MLLT3: variants seen among roughly 807,000 people sequenced by gnomAD.
MLLT3 encodes MLLT3 super elongation complex subunit, also known as protein AF-9.
MLLT3 carries 4 observed loss-of-function variants against 53.2 expected under a neutral mutation model. The ratio of observed to expected loss-of-function variants is 0.08; its 90% CI spans 0.04 to 0.17. The LOEUF (loss-of-function observed/expected upper bound fraction) is 0.17. MLLT3 is among the 10% of genes least tolerant of loss of function. The pLI is 1.00. For missense variants in MLLT3, 569 were observed against 684.0 expected, an observed-to-expected ratio of 0.83 and a Z score of 1.87; for synonymous variants, 283 against 230.6, an observed-to-expected ratio of 1.23 and a Z score of -2.06.
intron 5 of MLLT3, among the ~76,000 whole-genome samples, chr9:20,391,215 A>G (rs531122262): frequency 6.6e-6 from 1 of 152,234 alleles, no homozygotes; most frequent in Non-Finnish European, 1.5e-5. Flanking sequence ...AATTGACATC[A>G]ATCAATCATT....
At chr9:20,486,197 T>A (rs1824807790) in intron 2 of MLLT3, among the ~76,000 whole-genome samples, 1 of 152,112 alleles carries the variant, frequency 6.6e-6, no homozygotes, top group African/African-American at 2.4e-5. Context: ...CAAAAACATA[T>A]AACCAGAAAT....
chr9:20,620,492 C>T lies in MLLT3; in HGVS notation c.193+162G>A, dbSNP rs1820969781. ...CCGAAGTGGCGCGCGCGCGGGCAGG[C>T]GGGAGCCGGGACCTGGCCCGCGCGG... On this transcript the variant is annotated intron_variant, in intron 2 of 10. Coordinates refer to ENST00000380338, the MANE Select transcript of MLLT3 (RefSeq NM_004529.4). This position sits in a 1 kb window ranked among gnomAD's most constrained non-coding sequence, Gnocchi z 6.1. Among the ~76,000 whole-genome samples, 1 of 149,882 alleles carries T rather than the reference C, an allele frequency of 6.7e-6. No homozygotes were observed. Among genetic ancestry groups the T allele is most frequent in the Admixed American group, 6.6e-5 (1 of 15,038 alleles).
chr9:20,418,192 T>C (rs891816916), intron 4 of MLLT3: 2 of 152,210 alleles, frequency 1.3e-5, no homozygotes, highest in African/African-American at 4.8e-5. Flanking sequence ...CAAGAGGTTA[T>C]GCATATGTAG....
At chr9:20,415,306 T>G in intron 4 of MLLT3, 11 of 205,776 alleles carry the variant, frequency 5.3e-5, no homozygotes, top group Non-Finnish European at 8.5e-5. Flanking sequence ...ATTTTGATCA[T>G]GAGAAAAGAC....
chr9:20,350,561 C>T (rs999927711), intron 10 of MLLT3, among the ~76,000 whole-genome samples: 5 of 138,532 alleles, frequency 3.6e-5, no homozygotes, highest in African/African-American at 3.1e-5. Flanking sequence ...CGCCACTGCA[C>T]TCCAGCCTGG....
At chr9:20,552,377 T>C (rs994309027) in intron 2 of MLLT3, among the ~76,000 whole-genome samples, 4 of 152,244 alleles carry the variant, frequency 2.6e-5, no homozygotes, top group Admixed American at 6.5e-5. Flanking sequence ...CCCTTTTAAT[T>C]TCCTCAGCCA....
chr9:20,593,315 C>A (rs1820173490), intron 2 of MLLT3, among the ~76,000 whole-genome samples: 1 of 152,242 alleles, frequency 6.6e-6, no homozygotes, highest in Non-Finnish European at 1.5e-5. Context: ...CCCAAGTTAT[C>A]CTGGGACCTC....
chr9:20,443,479 C>A (rs1823605720), intron 4 of MLLT3, among the ~76,000 whole-genome samples: 1 of 152,076 alleles, frequency 6.6e-6, no homozygotes, highest in African/African-American at 2.4e-5. Context: ...TATTCCGAGC[C>A]CTTTACACAA....
At chr9:20,557,006 A>G (rs1819076444) in intron 2 of MLLT3, among the ~76,000 whole-genome samples, 2 of 152,208 alleles carry the variant, frequency 1.3e-5, no homozygotes, top group South Asian at 4.1e-4. Context: ...GCACTCAATG[A>G]CTACGATTCA....
intron 2 of MLLT3, among the ~76,000 whole-genome samples, chr9:20,544,467 C>G (rs1271935201): frequency 6.6e-6 from 1 of 151,932 alleles, no homozygotes; most frequent in Non-Finnish European, 1.5e-5. Context: ...TAGAAATGGC[C>G]AAGAGGCATA....
chr9:20,346,609 C>A (rs368953204), intron 10 of MLLT3, 35 bp from the exon 11 acceptor site: 4 of 1,600,206 alleles, frequency 2.5e-6, no homozygotes, highest in Non-Finnish European at 3.4e-6. Flanking sequence ...TTGGGCAATA[C>A]GCAGCAAACA....
At chr9:20,363,390 C>G in intron 7 of MLLT3, 86 bp downstream of exon 7, 26 of 1,495,176 alleles carry the variant, frequency 1.7e-5, no homozygotes, top group East Asian at 4.8e-5. Flanking sequence ...TTTGGTGTTT[C>G]ACACCTTTGC....
chr9:20,354,954 C>T, intron 8 of MLLT3, 75 bp from the exon 9 acceptor site: 1 of 965,672 alleles, frequency 1.0e-6, no homozygotes, highest in Non-Finnish European at 1.7e-6. Context: ...TAAACAAAGG[C>T]ATCCACTGAA....
intron 3 of MLLT3, among the ~76,000 whole-genome samples, chr9:20,456,409 CTTCTT>C (rs1172456658): frequency 6.6e-6 from 1 of 152,102 alleles, no homozygotes; most frequent in East Asian, 1.9e-4. Context: ...AACTATAATT[CTTCTT>C]TTCTATTTTA....
At chr9:20,356,054 C>G (rs1311992775) in intron 8 of MLLT3, among the ~76,000 whole-genome samples, 1 of 152,088 alleles carries the variant, frequency 6.6e-6, no homozygotes, top group Non-Finnish European at 1.5e-5. Flanking sequence ...GAGAGATGAA[C>G]AAGATAAGAC....
chr9:20,581,453 A>C (rs1819791030), intron 2 of MLLT3, among the ~76,000 whole-genome samples: 1 of 152,214 alleles, frequency 6.6e-6, no homozygotes, highest in Non-Finnish European at 1.5e-5. Flanking sequence ...CAGGAGTTCT[A>C]AGAGGCCACT....
chr9:20,525,890 T>G (rs1426794056), intron 2 of MLLT3, among the ~76,000 whole-genome samples: 2 of 152,204 alleles, frequency 1.3e-5, no homozygotes, highest in Admixed American at 1.3e-4. Flanking sequence ...CTTTAAGAAT[T>G]TATTGAAAAT....
At chr9:20,435,973 T>C (rs1421569304) in intron 4 of MLLT3, among the ~76,000 whole-genome samples, 3 of 151,716 alleles carry the variant, frequency 2.0e-5, no homozygotes, top group Non-Finnish European at 4.4e-5. Flanking sequence ...AGAGAAAAGG[T>C]AGCAAAGTCA....
chr9:20,512,780 T>A (rs1051613769), intron 2 of MLLT3, among the ~76,000 whole-genome samples: 1 of 152,374 alleles, frequency 6.6e-6, no homozygotes, highest in Non-Finnish European at 1.5e-5. Flanking sequence ...TGCTTCTAAC[T>A]ATACTGCCAC....
Sources: gnomAD v4.1 joint callset for allele counts (sites outside exome capture counted in the v4.1 genomes callset) on GRCh38, gnomAD v4.1.1 for gene constraint, Gnocchi (gnomAD v3.1) non-coding constraint, MANE v1.5 for transcripts, NCBI Gene and HGNC (gene_info 2026-07-23, HGNC 2026-07-21) for gene names.